The following TSEN54 variants were observed in gnomAD, a reference collection of about 807,000 sequenced individuals.
TSEN54 encodes the protein tRNA splicing endonuclease subunit 54.
A neutral mutation model predicts 61.9 loss-of-function variants in TSEN54; 55 were observed. The ratio of observed to expected loss-of-function variants is 0.89; its 90% CI spans 0.72 to 1.11. The LOEUF is 1.11. Among genes scored for constraint, TSEN54 ranks in the 50% most tolerant of loss-of-function variants. The probability of loss-of-function intolerance (pLI) is 0.00; values close to 1 mark genes in which losing one functional copy is unlikely to be tolerated. For missense variants in TSEN54, 760 were observed against 687.7 expected, an observed-to-expected ratio of 1.11 and a Z score of -1.18; for synonymous variants, 304 against 288.7, an observed-to-expected ratio of 1.05 and a Z score of -0.54.
Position 75,524,681 on chromosome 17 carries a change from G to A in TSEN54, c.*269G>A. 1 of 559,040 alleles carries A rather than the reference G, an allele frequency of 1.8e-6. No homozygotes were observed. Among genetic ancestry groups the A allele is most frequent in the Non-Finnish European group, 3.2e-6 (1 of 309,780 alleles). 34.6% of individuals were successfully genotyped at this position (559,040 alleles called of 1,614,324 possible). On this transcript the variant is annotated 3_prime_UTR_variant, in exon 11 of 11. Transcript: ENST00000333213. Reference sequence around the variant, plus strand: ...AGAGAGGACTGTGTGCCTTTAACGAGAGGGTGCCTGCTTCGTGCTATAAAG... The same window carrying A: ...AGAGAGGACTGTGTGCCTTTAACGAAAGGGTGCCTGCTTCGTGCTATAAAG...
rs1555643566 is a variant in TSEN54, at chr17:75,516,563, G to GGAGCCGGAGCCC, written c.8_9insGGAGCCCGAGCC (p.Glu4_Pro7dup). ...GCGCAGCGGCAGGCGGCGGCGGGAT[G>GGAGCCGGAGCCC]GAGCCCGAGCCCGAGCCCGCGGCCG... On this transcript the variant is annotated inframe_insertion, in exon 1 of 11. Transcript: ENST00000333213. The GGAGCCGGAGCCC allele has an allele frequency of 1.8e-6, 2 of 1,124,734 alleles. No homozygotes were observed. The highest frequency in any genetic ancestry group is 3.7e-5 in the African/African-American group (2 of 54,390). 69.7% of individuals were successfully genotyped at this position (1,124,734 alleles called of 1,614,324 possible).
Position 75,521,463 on chromosome 17 carries a change from C to T in TSEN54, c.576C>T (p.His192=), listed in dbSNP as rs143480686. The change falls in exon 7 of 11, where the codon CAC becomes CAT. Residue 192 remains histidine (H), a synonymous_variant. Coordinates refer to ENST00000333213, the MANE Select transcript of TSEN54 (RefSeq NM_207346.3). ...RQLNLDASVQ[H]LEDGDGKRKR... ...TTAACCTGGATGCCAGCGTGCAGCA[C>T]TTGGAGGATGGAGATGGCAAGAGAA... 12 of 1,614,006 alleles carry T rather than the reference C, an allele frequency of 7.4e-6. No individual in the cohort carries two copies. Among genetic ancestry groups the T allele is most frequent in the Non-Finnish European group, 9.3e-6 (11 of 1,180,038 alleles).
At chr17:75,524,133 T>G in intron 10 of TSEN54, 129 bp from the exon 11 acceptor site, 1 of 1,366,836 alleles carries the variant, frequency 7.3e-7, no homozygotes, top group Non-Finnish European at 1.0e-6. Context: ...GAGCCCTGTG[T>G]TTTGGAGACA....
intron 8 of TSEN54, 163 bp downstream of exon 8, chr17:75,522,496 G>A: frequency 2.7e-6 from 4 of 1,488,742 alleles, no homozygotes; most frequent in Non-Finnish European, 3.6e-6. Context: ...GCTGCAGCAG[G>A]GCCTGTGTGG....
At position 75,524,494 on chromosome 17, in the gene TSEN54, T is replaced by C; in HGVS notation, c.*82T>C. On this transcript the variant is annotated 3_prime_UTR_variant, in exon 11 of 11. Coordinates refer to ENST00000333213, the MANE Select transcript of TSEN54 (RefSeq NM_207346.3). ...CAGGGACCATCTCGGCTGCCTCCTG[T>C]ACCCAGACTCTAACCTGTAGCTTCA... is the stretch of plus-strand genomic sequence containing the variant. The C allele has an allele frequency of 6.4e-7, 1 of 1,557,244 alleles. No homozygotes were observed.
rs201415896 is a variant in TSEN54 at position 75,524,358 on chromosome 17, C to T, written c.1527C>T (p.Asp509=). The T allele has an allele frequency of 2.2e-5, 36 of 1,614,068 alleles. No homozygotes were observed. Among genetic ancestry groups the T allele is most frequent in the Non-Finnish European group, 2.9e-5 (34 of 1,180,042 alleles). The change falls in exon 11 of 11, where the codon GAC becomes GAT. Residue 509 remains aspartate, a synonymous_variant. Coordinates refer to ENST00000333213, the MANE Select transcript of TSEN54 (RefSeq NM_207346.3). ...PLIFALVDHG[D]ISFYSFRDFT... is the part of the protein sequence containing the mutation. ...TCTTTGCCCTGGTGGATCATGGTGA[C>T]ATCTCCTTCTACAGCTTCAGGGACT... is the stretch of plus-strand genomic sequence containing the variant.
At chr17:75,522,513 T>C (rs998298992) in intron 8 of TSEN54, 180 bp downstream of exon 8, 1 of 1,472,750 alleles carries the variant, frequency 6.8e-7, no homozygotes, top group East Asian at 2.5e-5. Flanking sequence ...GTGGGAAGGC[T>C]TAGAGATGGT....
intron 9 of TSEN54, 21 bp downstream of exon 9, chr17:75,523,356 G>A (rs1295636228): frequency 1.1e-5 from 18 of 1,613,774 alleles, no homozygotes; most frequent in East Asian, 4.5e-5. Context: ...AAGCAGTGCC[G>A]TCTCTGCAGT....
At chr17:75,520,196 T>C (rs2053412780) in intron 6 of TSEN54, among the ~76,000 whole-genome samples, 1 of 152,214 alleles carries the variant, frequency 6.6e-6, no homozygotes, top group Non-Finnish European at 1.5e-5. Context: ...AAATGTTCTG[T>C]GTCTGTGATG....
At chr17:75,519,508 A>C (rs2053406285) in intron 6 of TSEN54, among the ~76,000 whole-genome samples, 1 of 152,244 alleles carries the variant, frequency 6.6e-6, no homozygotes, top group Non-Finnish European at 1.5e-5. Flanking sequence ...CTTGGAGTGG[A>C]AACGGGTACA....
intron 6 of TSEN54, 77 bp downstream of exon 6, chr17:75,519,124 C>G (rs763716138): frequency 1.9e-5 from 29 of 1,523,426 alleles, no homozygotes; most frequent in Non-Finnish European, 2.4e-5. Flanking sequence ...AGAAAATGGC[C>G]TCTCCTTACC....
chr17:75,521,808 G>C lies in TSEN54; in HGVS notation c.727G>C (p.Glu243Gln). ...PCSQPSQCPE[E>Q]KPQESSPMKG... Reference sequence around the variant, plus strand: ...CAGCCAGCCCAGCCAATGCCCAGAGGAGAAACCCCAGGAGTCAAGCCCCAT... The same window carrying C: ...CAGCCAGCCCAGCCAATGCCCAGAGCAGAAACCCCAGGAGTCAAGCCCCAT... Residue 243 changes from glutamate (E) to glutamine (Q), a missense_variant, in exon 8 of 11, where the codon GAG becomes CAG. By Grantham distance (29) the Glu-to-Gln change is conservative. Around this residue, in one of 3 missense-constraint regions of TSEN54, gnomAD observed 667 missense variants for 577.8 expected, o/e 1.15. Transcript: ENST00000333213. 1 of 1,613,114 alleles carries C rather than the reference G, an allele frequency of 6.2e-7. No homozygotes were observed. Among genetic ancestry groups the C allele is most frequent in the Non-Finnish European group, 8.5e-7 (1 of 1,180,002 alleles).
intron 5 of TSEN54, chr17:75,518,679 C>G (rs1465963504): frequency 1.0e-6 from 1 of 985,286 alleles, no homozygotes; most frequent in African/African-American, 1.7e-5. Context: ...AGCTTCACTC[C>G]TATGAGCTTT....
intron 10 of TSEN54, 64 bp downstream of exon 10, chr17:75,523,843 G>T (rs1299802715): frequency 6.4e-7 from 1 of 1,555,614 alleles, no homozygotes; most frequent in Non-Finnish European, 8.8e-7. Flanking sequence ...AACCAAGTGG[G>T]ACTCCTCTGT....
Position 75,521,292 on chromosome 17 carries a change from G to A in TSEN54, c.522-117G>A, listed in dbSNP as rs1598476884. ...GTCTGCTTAGGGCCTTAGCACTTGG[G>A]TGTGGCTCCGATCCTGGCCCACTGA... On this transcript the variant is annotated intron_variant, in intron 6 of 10. Coordinates refer to ENST00000333213, the MANE Select transcript of TSEN54 (RefSeq NM_207346.3). 1.0e-5 allele frequency: 9 copies of A among 857,704 alleles called. No homozygotes were observed. In the East Asian group the frequency reaches 2.4e-4, roughly 22 times the overall value. 53.1% of individuals were successfully genotyped at this position (857,704 alleles called of 1,614,324 possible).
Position 75,517,172 on chromosome 17 carries a change from G to T in TSEN54, c.297G>T (p.Trp99Cys), listed in dbSNP as rs771792181. ...TGGGCCCCACACAGGGCAAATTCTG[G>T]CAGACCATGGGCTTCTCAGAGCAGG... ...VELKSPAGKF[W>C]QTMGFSEQGR... The change falls in exon 4 of 11, where the codon TGG becomes TGT. Residue 99 changes from tryptophan to cysteine, a missense_variant. By Grantham distance (215) the Trp-to-Cys change is radical (BLOSUM62 -2). Transcript: ENST00000333213. 9 of 1,606,632 alleles carry T rather than the reference G, an allele frequency of 5.6e-6. No individual in the cohort carries two copies. In the South Asian group the frequency reaches 8.9e-5, roughly 16 times the overall value.
At chr17:75,523,204 G>A (rs1333041255) in intron 8 of TSEN54, 71 bp from the exon 9 acceptor site, 88 of 1,604,786 alleles carry the variant, frequency 5.5e-5, no homozygotes, top group Admixed American at 1.0e-4. Flanking sequence ...AAATCTGGCC[G>A]TCCTAAACTA....
Position 75,524,556 on chromosome 17 carries a change from C to A in TSEN54, c.*144C>A. ...GGGCCTTGGCCCTGGGTGTCTGATA[C>A]TCACAGAGTGAAACTGTGACCCTCT... On this transcript the variant is annotated 3_prime_UTR_variant, in exon 11 of 11. Coordinates refer to ENST00000333213, the MANE Select transcript of TSEN54 (RefSeq NM_207346.3). 2.0e-6 allele frequency: 2 copies of A among 1,024,730 alleles called. No individual in the cohort carries two copies. Among genetic ancestry groups the A allele is most frequent in the Non-Finnish European group, 3.0e-6 (2 of 665,420 alleles). 63.5% of individuals were successfully genotyped at this position (1,024,730 alleles called of 1,614,324 possible).
Position 75,524,380 on chromosome 17 carries a change from G to T in TSEN54, c.1549G>T (p.Asp517Tyr). 6.2e-7 allele frequency: 1 copy of T among 1,614,190 alleles called. No individual in the cohort carries two copies. Among genetic ancestry groups the T allele is most frequent in the Non-Finnish European group, 8.5e-7 (1 of 1,180,040 alleles). Residue 517 changes from aspartate to tyrosine, a missense_variant, in exon 11 of 11, where the codon GAC becomes TAC. Physicochemically the swap from Asp to Tyr is radical, Grantham distance 160. This residue lies in a region of TSEN54 where 83 missense variants were observed against 82.9 expected (regional missense o/e 1.00). Coordinates refer to ENST00000333213, the MANE Select transcript of TSEN54 (RefSeq NM_207346.3). The part of the protein sequence containing the change: ...HGDISFYSFR[D>Y]FTLPQDVGH ...TGACATCTCCTTCTACAGCTTCAGG[G>T]ACTTCACGTTGCCCCAGGATGTGGG...
Sources: allele counts gnomAD v4.1 joint callset (sites outside exome capture counted in the v4.1 genomes callset), GRCh38; gene constraint gnomAD v4.1.1; regional missense constraint gnomAD v4.1.1; transcripts MANE v1.5; gene names NCBI Gene and HGNC (gene_info 2026-07-23, HGNC 2026-07-21).